The following PRKG1 variants were observed in gnomAD, a reference collection of about 807,000 sequenced individuals.
PRKG1 encodes cGMP-dependent protein kinase 1.
PRKG1 carries 35 observed loss-of-function variants against 88.1 expected under a neutral mutation model. That is an observed-to-expected ratio of 0.40 (90% CI 0.30 to 0.53). PRKG1 has a LOEUF of 0.53. Among genes scored for constraint, PRKG1 ranks in the 20% least tolerant of loss-of-function variants. PRKG1 has a pLI of 0.59. For missense variants in PRKG1, 540 were observed against 839.8 expected (o/e 0.64, Z 4.41); for synonymous variants, 303 against 292.5 (o/e 1.04, Z -0.37).
At chr10:51,210,003 C>G (rs934130807) in intron 2 of PRKG1, among the ~76,000 whole-genome samples, 5 of 152,018 alleles carry the variant, frequency 3.3e-5, no homozygotes, top group Admixed American at 2.0e-4. Flanking sequence ...CTTCCCAACC[C>G]TTTTTAATGT....
rs183017251 is a variant in PRKG1, at chr10:51,078,782, A to C, written c.311+3881A>C. ...CAGGCGCCAGCCACCACGCCCGGCT[A>C]ATTTTTTTGTATTTTCAGTAGAGAC... is the stretch of plus-strand genomic sequence containing the variant. On this transcript the variant is annotated intron_variant, in intron 1 of 17. Coordinates refer to ENST00000373980, the MANE Select transcript of PRKG1 (RefSeq NM_006258.4). Among the ~76,000 whole-genome samples the C allele has an allele frequency of 2.9e-4, 44 of 151,616 alleles. No homozygotes were observed. The East Asian group carries it at 8.2e-3, about 28-fold the overall frequency.
chr10:51,435,577 C>T (rs1013630490), intron 2 of PRKG1, among the ~76,000 whole-genome samples: 5 of 151,858 alleles, frequency 3.3e-5, no homozygotes, highest in African/African-American at 1.2e-4. Context: ...TACTTGGCCT[C>T]TTTTGTTTGA....
chr10:51,492,155 A>G (rs1361948743), intron 3 of PRKG1, among the ~76,000 whole-genome samples: 2 of 152,152 alleles, frequency 1.3e-5, no homozygotes, highest in Non-Finnish European at 2.9e-5. Context: ...ATCTCTATCC[A>G]TCTAAATGCT....
chr10:51,430,106 G>A (rs1481171324), intron 2 of PRKG1, among the ~76,000 whole-genome samples: 1 of 143,676 alleles, frequency 7.0e-6, no homozygotes, highest in Non-Finnish European at 1.5e-5. Context: ...CTAGCCATGA[G>A]AATGGCTACA....
intron 5 of PRKG1, among the ~76,000 whole-genome samples, chr10:51,991,892 C>T (rs1844317656): frequency 6.6e-6 from 1 of 151,966 alleles, no homozygotes; most frequent in Admixed American, 6.6e-5. Context: ...GGGTATATAC[C>T]CAGTAATGGG....
At chr10:52,109,700 CG>C (rs1847509821) in intron 7 of PRKG1, among the ~76,000 whole-genome samples, 1 of 145,200 alleles carries the variant, frequency 6.9e-6, no homozygotes, top group Admixed American at 6.8e-5. Flanking sequence ...TCAGTGATGT[CG>C]GCAGTGAGAC....
intron 3 of PRKG1, among the ~76,000 whole-genome samples, chr10:51,577,338 T>C (rs568811196): frequency 1.8e-4 from 27 of 152,192 alleles, no homozygotes; most frequent in African/African-American, 6.3e-4. Context: ...AACTCACTAG[T>C]GTTTTTATTC....
chr10:51,373,302 A>C (rs1407662317), intron 2 of PRKG1, among the ~76,000 whole-genome samples: 1 of 152,336 alleles, frequency 6.6e-6, no homozygotes, highest in Non-Finnish European at 1.5e-5. Flanking sequence ...GAAATCAAGA[A>C]TCTGAGCCCT....
chr10:51,816,537 A>ATGTGTGTGTG (rs35430934), intron 4 of PRKG1, among the ~76,000 whole-genome samples: 42 of 146,040 alleles, frequency 2.9e-4, no homozygotes, highest in African/African-American at 7.7e-4. Context: ...TAATTTTGGC[A>ATGTGTGTGTG]TGTGTGTGTG....
intron 3 of PRKG1, among the ~76,000 whole-genome samples, chr10:51,566,104 G>A (rs1231895300): frequency 1.3e-5 from 2 of 152,172 alleles, no homozygotes; most frequent in East Asian, 1.9e-4. Context: ...CCAGAAACAA[G>A]GCTTAAGTGC....
At chr10:51,310,397 G>T (rs904935139) in intron 2 of PRKG1, among the ~76,000 whole-genome samples, 1 of 152,236 alleles carries the variant, frequency 6.6e-6, no homozygotes, top group African/African-American at 2.4e-5. Flanking sequence ...ATATAGACAT[G>T]AATAAGAAGT....
intron 4 of PRKG1, among the ~76,000 whole-genome samples, chr10:51,863,145 T>C (rs1246717252): frequency 8.5e-6 from 1 of 117,438 alleles, no homozygotes; most frequent in Non-Finnish European, 1.9e-5. Flanking sequence ...GAGTATCTCA[T>C]GCTAATCCAG....
chr10:51,485,374 T>C (rs1840501265), intron 3 of PRKG1, among the ~76,000 whole-genome samples: 1 of 152,196 alleles, frequency 6.6e-6, no homozygotes, highest in Non-Finnish European at 1.5e-5. Flanking sequence ...TTTCTTGTTT[T>C]GAATAACAAA....
chr10:51,684,963 C>A (rs1840949631), intron 3 of PRKG1, among the ~76,000 whole-genome samples: 1 of 152,034 alleles, frequency 6.6e-6, no homozygotes, highest in African/African-American at 2.4e-5. Flanking sequence ...TTCATTGCCT[C>A]TATAATCCTA....
chr10:52,022,716 A>G lies in PRKG1; in HGVS notation c.763-31768A>G, dbSNP rs186458799. Among the ~76,000 whole-genome samples, 33 of 152,256 alleles carry G rather than the reference A, an allele frequency of 2.2e-4. 1 individual carries two copies. The highest frequency in any genetic ancestry group is 2.1e-3 in the Admixed American group (32 of 15,288). On this transcript the variant is annotated intron_variant, in intron 5 of 17. Transcript: ENST00000373980. ...AATTAGAAAAAGAATAATAATCCAAAATGTTGGCAGTGGACAAGAGAAAGA... is the reference window on the plus strand; with the variant it reads ...AATTAGAAAAAGAATAATAATCCAAGATGTTGGCAGTGGACAAGAGAAAGA...
rs573512694 is a variant in PRKG1, at chr10:52,033,961, G to T, written c.763-20523G>T. Among the ~76,000 whole-genome samples, 8 of 115,098 alleles carry T rather than the reference G, an allele frequency of 7.0e-5. 1 individual carries two copies. The East Asian group carries it at 1.2e-3, about 18-fold the overall frequency. 75.5% of individuals were successfully genotyped at this position (115,098 alleles called of 152,430 possible). A position where few individuals can be genotyped will look rare whatever the true frequency, so the allele number is the denominator to read the frequency against. On this transcript the variant is annotated intron_variant, in intron 5 of 17. Coordinates refer to ENST00000373980, the MANE Select transcript of PRKG1 (RefSeq NM_006258.4). ...TCTCTGGCAGGCAGCAGTGGGGGTC[G>T]CAAGGTGCTCAGTGGGGGTGCTTTT... is the stretch of plus-strand genomic sequence containing the variant.
At chr10:52,166,923 A>G (rs1042378028) in intron 9 of PRKG1, among the ~76,000 whole-genome samples, 9 of 149,396 alleles carry the variant, frequency 6.0e-5, no homozygotes, top group African/African-American at 2.2e-4. Flanking sequence ...ACACATATAT[A>G]TAAGCCAAGA....
intron 3 of PRKG1, among the ~76,000 whole-genome samples, chr10:51,519,590 C>T (rs1319788995): frequency 6.6e-6 from 1 of 152,040 alleles, no homozygotes; most frequent in African/African-American, 2.4e-5. Context: ...TTCTCCAAGT[C>T]GAGCAATATT....
chr10:51,791,601 T>TAG (rs1554842139), intron 3 of PRKG1, among the ~76,000 whole-genome samples: 1 of 151,954 alleles, frequency 6.6e-6, no homozygotes, highest in Non-Finnish European at 1.5e-5. Flanking sequence ...GATCTCAGAG[T>TAG]AGAATATGGT....
Sources: allele counts gnomAD v4.1 joint callset (sites outside exome capture counted in the v4.1 genomes callset), GRCh38; gene constraint gnomAD v4.1.1; transcripts MANE v1.5; gene names NCBI Gene and HGNC (gene_info 2026-07-23, HGNC 2026-07-21).